Variants in IPO7 observed in about 807,000 individuals in gnomAD.
IPO7 encodes importin-7.
A neutral mutation model predicts 136.4 loss-of-function variants in IPO7; 13 were observed. The observed-to-expected ratio is 0.10, with a 90% CI of 0.06 to 0.15. The LOEUF (loss-of-function observed/expected upper bound fraction) is 0.15, where lower values mean the gene tolerates loss of function less well. IPO7 is among the 10% of genes least tolerant of loss of function. The probability of loss-of-function intolerance (pLI) is 1.00; values close to 1 mark genes in which losing one functional copy is unlikely to be tolerated. For missense variants in IPO7, 857 were observed against 1,240.6 expected, an observed-to-expected ratio of 0.69 and a Z score of 4.65; for synonymous variants, 403 against 404.4, an observed-to-expected ratio of 1.00 and a Z score of 0.04.
In IPO7 at chr11:9,438,041, A is replaced by C. The variant is rs371219747; in HGVS notation, c.2490-39A>C. On this transcript the variant is annotated intron_variant, in intron 21 of 24. Transcript: ENST00000379719. ...GAACTCTGCTTATTTAAGAAAAGAA[A>C]ACAGTTTTTTTTTTTTTTTTTTTTT... 115 of 1,441,808 alleles carry C rather than the reference A, an allele frequency of 8.0e-5. No individual in the cohort carries two copies. The African/African-American group carries it at 1.6e-3, about 20-fold the overall frequency. The allele number at this position is 1,441,808 out of a possible 1,614,324, so 89.3% of individuals were successfully genotyped here.
At chr11:9,416,565 T>C (rs1269768807) in intron 5 of IPO7, among the ~76,000 whole-genome samples, 1 of 152,192 alleles carries the variant, frequency 6.6e-6, no homozygotes, top group African/African-American at 2.4e-5. Context: ...AAATCCCAAA[T>C]TGGATAACTT....
intron 12 of IPO7, among the ~76,000 whole-genome samples, chr11:9,426,932 G>A (rs11042349): frequency 0.44 from 66,167 of 150,700 alleles, 16,713 homozygotes; most frequent in Non-Finnish European, 0.57. Flanking sequence ...ATGCTGGAGT[G>A]CAGTGGCGCA....
intron 24 of IPO7, among the ~76,000 whole-genome samples, chr11:9,443,586 C>T (rs1284381176): frequency 1.5e-5 from 2 of 135,780 alleles, no homozygotes; most frequent in African/African-American, 5.7e-5. Context: ...AGCGAAACTC[C>T]GTCTCAAAAA....
intron 6 of IPO7, among the ~76,000 whole-genome samples, chr11:9,417,777 A>G (rs1021870152): frequency 8.6e-5 from 13 of 150,714 alleles, no homozygotes; most frequent in African/African-American, 2.4e-4. Flanking sequence ...CAGTGGCGCA[A>G]TCTCGGCTCA....
In IPO7 at chr11:9,447,233, G is replaced by A. The variant is rs1212947338; in HGVS notation, c.*2039G>A. 6.6e-6 allele frequency: 1 copy of A among 152,002 alleles called. No homozygotes were observed. Among genetic ancestry groups the A allele is most frequent in the Non-Finnish European group, 1.5e-5 (1 of 67,986 alleles). 9.4% of individuals were successfully genotyped at this position (152,002 alleles called of 1,614,324 possible). A position where few individuals can be genotyped will look rare whatever the true frequency, so the allele number is the denominator to read the frequency against. ...AAAATCATATCTAATAAAGGTTTTA[G>A]TTATTCCCATGCACAGTATGAAAAT... On this transcript the variant is annotated 3_prime_UTR_variant, in exon 25 of 25. Coordinates refer to ENST00000379719, the MANE Select transcript of IPO7 (RefSeq NM_006391.3).
At chr11:9,430,776 G>T in intron 15 of IPO7, 99 bp from the exon 16 acceptor site, 1 of 869,024 alleles carries the variant, frequency 1.2e-6, no homozygotes, top group Non-Finnish European at 1.8e-6. Context: ...GATTTGTTGT[G>T]GTATCCCAAT....
At chr11:9,409,709 T>G (rs1854942117) in intron 3 of IPO7, among the ~76,000 whole-genome samples, 1 of 152,196 alleles carries the variant, frequency 6.6e-6, no homozygotes, top group Non-Finnish European at 1.5e-5. Flanking sequence ...ACTTGTTTAT[T>G]GATGATAGGA....
At position 9,384,657 on chromosome 11, in the gene IPO7, C is replaced by A. The variant is rs975610223; in HGVS notation, c.-107C>A. ...GGGCCTTGGCGCTTCTCTTTCCTTT[C>A]GCGCCGGTTGCCGCTGCGGAGCGCG... On this transcript the variant is annotated 5_prime_UTR_variant, in exon 1 of 25. Transcript: ENST00000379719. 2 of 930,530 alleles carry A rather than the reference C, an allele frequency of 2.1e-6. No homozygotes were observed. Among genetic ancestry groups the A allele is most frequent in the South Asian group, 1.6e-5 (1 of 61,434 alleles). 57.6% of individuals were successfully genotyped at this position (930,530 alleles called of 1,614,324 possible). A position where few individuals can be genotyped will look rare whatever the true frequency, so the allele number is the denominator to read the frequency against.
At chr11:9,406,442 T>C (rs964660682) in intron 2 of IPO7, among the ~76,000 whole-genome samples, 7 of 152,222 alleles carry the variant, frequency 4.6e-5, no homozygotes, top group Non-Finnish European at 5.9e-5. Flanking sequence ...GGAGTGATAT[T>C]AATAAATTCT....
At chr11:9,404,855 C>T (rs951821865) in intron 2 of IPO7, among the ~76,000 whole-genome samples, 2 of 152,082 alleles carry the variant, frequency 1.3e-5, no homozygotes, top group African/African-American at 2.4e-5. Context: ...CGTGAGCCAC[C>T]GCGCCCGGCC....
At chr11:9,443,539 C>T (rs923454409) in intron 24 of IPO7, among the ~76,000 whole-genome samples, 11 of 147,746 alleles carry the variant, frequency 7.4e-5, no homozygotes, top group Non-Finnish European at 1.5e-4. Context: ...TGCGGTGAGC[C>T]GAGGTCGCGC....
At chr11:9,430,745 A>T in intron 15 of IPO7, 130 bp from the exon 16 acceptor site, 2 of 711,128 alleles carry the variant, frequency 2.8e-6, no homozygotes, top group Non-Finnish European at 4.6e-6. Flanking sequence ...CTTTATTATC[A>T]TTAATCAATT....
chr11:9,438,016 G>A, intron 21 of IPO7, 42 bp downstream of exon 21: 6 of 1,539,426 alleles, frequency 3.9e-6, no homozygotes, highest in Non-Finnish European at 5.3e-6. Flanking sequence ...GCTTTGGGAG[G>A]AACTCTGCTT....
At chr11:9,399,849 G>T (rs1405036801) in intron 1 of IPO7, among the ~76,000 whole-genome samples, 2 of 152,074 alleles carry the variant, frequency 1.3e-5, no homozygotes, top group Non-Finnish European at 2.9e-5. Context: ...TAGTGGAAAG[G>T]GTCAATACCT....
intron 2 of IPO7, among the ~76,000 whole-genome samples, chr11:9,404,528 C>T (rs1028953029): frequency 1.3e-5 from 2 of 151,226 alleles, no homozygotes; most frequent in Non-Finnish European, 2.9e-5. Flanking sequence ...GTATACTGAG[C>T]ATTTCCCTTT....
At position 9,447,549 on chromosome 11, in the gene IPO7, G is replaced by T. The variant is rs1169692132; in HGVS notation, c.*2355G>T. The T allele has an allele frequency of 6.6e-6, 1 of 152,072 alleles. No individual in the cohort carries two copies. The highest frequency in any genetic ancestry group is 2.4e-5 in the African/African-American group (1 of 41,408). 9.4% of individuals were successfully genotyped at this position (152,072 alleles called of 1,614,324 possible). A position where few individuals can be genotyped will look rare whatever the true frequency, so the allele number is the denominator to read the frequency against. Reference sequence around the variant, plus strand: ...CTGCAGGATTTTTGGAAAACTTTTTGAATGTATTTACAATATTCTCTTGTA... The same window carrying T: ...CTGCAGGATTTTTGGAAAACTTTTTTAATGTATTTACAATATTCTCTTGTA... On this transcript the variant is annotated 3_prime_UTR_variant, in exon 25 of 25. Transcript: ENST00000379719.
In IPO7 at chr11:9,445,974, T is replaced by A. The variant is rs1002370473; in HGVS notation, c.*780T>A. ...GGTGCACTCACCTCTGATAGTGACT[T>A]GAATTCGGTATGTAAAAAGGGGTTA... On this transcript the variant is annotated 3_prime_UTR_variant, in exon 25 of 25. Coordinates refer to ENST00000379719, the MANE Select transcript of IPO7 (RefSeq NM_006391.3). 1.3e-5 allele frequency: 2 copies of A among 152,222 alleles called. No individual in the cohort carries two copies. Among genetic ancestry groups the A allele is most frequent in the African/African-American group, 4.8e-5 (2 of 41,466 alleles). 9.4% of individuals were successfully genotyped at this position (152,222 alleles called of 1,614,324 possible).
intron 19 of IPO7, 116 bp from the exon 20 acceptor site, chr11:9,436,155 A>G (rs1429959659): frequency 4.7e-6 from 3 of 639,316 alleles, no homozygotes; most frequent in Non-Finnish European, 8.4e-6. Flanking sequence ...CATATTAATT[A>G]GGGTACCTCA....
chr11:9,403,854 G>A (rs1424089447), intron 2 of IPO7, among the ~76,000 whole-genome samples: 1 of 152,102 alleles, frequency 6.6e-6, no homozygotes, highest in Non-Finnish European at 1.5e-5. Flanking sequence ...ATAATGTAGT[G>A]TACATTTTTA....
Sources: gnomAD v4.1 joint callset for allele counts (sites outside exome capture counted in the v4.1 genomes callset) on GRCh38, gnomAD v4.1.1 for gene constraint, MANE v1.5 for transcripts, NCBI Gene and HGNC (gene_info 2026-07-23, HGNC 2026-07-21) for gene names.